Variants in PARD3B observed in about 807,000 individuals in gnomAD.
The protein encoded by PARD3B is partitioning defective 3 homolog B.
In PARD3B, 103 loss-of-function variants were observed where a neutral mutation model predicts 130.2. That is an observed-to-expected ratio of 0.79 (90% CI 0.67 to 0.93). The LOEUF (loss-of-function observed/expected upper bound fraction) is 0.93. Ranked by LOEUF, PARD3B falls within the 40% of genes least tolerant of loss-of-function variation. The probability of loss-of-function intolerance (pLI) is 0.00; values close to 1 mark genes in which losing one functional copy is unlikely to be tolerated. For synonymous variants in PARD3B, 583 were observed against 553.2 expected, an observed-to-expected ratio of 1.05 and a Z score of -0.76; for missense variants, 1,609 against 1,499.2, an observed-to-expected ratio of 1.07 and a Z score of -1.21.
At chr2:204,709,287 A>G (rs1192754113) in intron 2 of PARD3B, among the ~76,000 whole-genome samples, 2 of 152,308 alleles carry the variant, frequency 1.3e-5, no homozygotes, top group East Asian at 3.9e-4. Context: ...CATTCTCCGC[A>G]TGATGCAGAA....
intron 3 of PARD3B, among the ~76,000 whole-genome samples, chr2:204,971,149 C>CA (rs1691665192): frequency 6.6e-6 from 1 of 152,166 alleles, no homozygotes; most frequent in Admixed American, 6.5e-5. Flanking sequence ...CATATGGGAA[C>CA]ATTTTTCTCA....
At chr2:205,173,078 T>C (rs1412460116) in intron 12 of PARD3B, among the ~76,000 whole-genome samples, 1 of 152,064 alleles carries the variant, frequency 6.6e-6, no homozygotes, top group African/African-American at 2.4e-5. Context: ...TAGAAAAAGC[T>C]AAGAAGAAAA....
At chr2:205,566,639 G>A (rs2053344811) in intron 22 of PARD3B, among the ~76,000 whole-genome samples, 1 of 152,164 alleles carries the variant, frequency 6.6e-6, no homozygotes, top group Non-Finnish European at 1.5e-5. Flanking sequence ...CCACTGAAAT[G>A]TGCCCTAGAG....
intron 15 of PARD3B, among the ~76,000 whole-genome samples, chr2:205,196,129 T>G (rs1041643915): frequency 6.6e-6 from 1 of 152,188 alleles, no homozygotes; most frequent in Non-Finnish European, 1.5e-5. Flanking sequence ...CTTTTACCTA[T>G]TCATCAGACA....
At chr2:205,597,363 T>C (rs1406754148) in intron 22 of PARD3B, among the ~76,000 whole-genome samples, 1 of 152,192 alleles carries the variant, frequency 6.6e-6, no homozygotes, top group Non-Finnish European at 1.5e-5. Flanking sequence ...ATTTAGTTCT[T>C]TTTTTATGGC....
chr2:205,076,981 T>G (rs1272526721), intron 4 of PARD3B, among the ~76,000 whole-genome samples: 2 of 152,166 alleles, frequency 1.3e-5, no homozygotes, highest in African/African-American at 4.8e-5. Context: ...GGAAGCACCA[T>G]CCACTAACAT....
At chr2:205,478,526 A>G (rs892857611) in intron 20 of PARD3B, among the ~76,000 whole-genome samples, 2 of 152,164 alleles carry the variant, frequency 1.3e-5, no homozygotes, top group African/African-American at 4.8e-5. Context: ...TTCATTTAAC[A>G]ATAAGGAGAT....
intron 2 of PARD3B, among the ~76,000 whole-genome samples, chr2:204,756,998 G>A (rs2040705301): frequency 6.6e-6 from 1 of 152,076 alleles, no homozygotes; most frequent in African/African-American, 2.4e-5. Flanking sequence ...CCACTGTTAA[G>A]TGAGAACATG....
At chr2:204,547,214 A>G (rs986989101) in intron 1 of PARD3B, among the ~76,000 whole-genome samples, 2 of 152,224 alleles carry the variant, frequency 1.3e-5, no homozygotes, top group Non-Finnish European at 1.5e-5. Flanking sequence ...ACAAGTGTAT[A>G]GCTTAGGGGT....
chr2:205,354,598 A>G (rs1574787076), intron 18 of PARD3B, among the ~76,000 whole-genome samples: 2 of 152,320 alleles, frequency 1.3e-5, no homozygotes, highest in South Asian at 4.1e-4. Context: ...GATTATAAAC[A>G]TGTGCCACCA....
In PARD3B at chr2:204,727,505, G is replaced by A. The variant is rs2039289705; in HGVS notation, c.222+41223G>A. 3.9e-5 allele frequency among the ~76,000 whole-genome samples: 6 copies of A among 152,154 alleles called. No individual in the cohort carries two copies. The South Asian group carries it at 1.2e-3, about 31-fold the overall frequency. ...TGGAATGTTTGTTCTGTCAACTGAA[G>A]AATGACAAGGCTCATAGATTTGGAA... On this transcript the variant is annotated intron_variant, in intron 2 of 22. Coordinates refer to ENST00000406610, the MANE Select transcript of PARD3B (RefSeq NM_001302769.2).
intron 2 of PARD3B, among the ~76,000 whole-genome samples, chr2:204,691,019 A>G (rs1364944731): frequency 1.3e-5 from 2 of 152,122 alleles, no homozygotes; most frequent in East Asian, 3.9e-4. Flanking sequence ...AAATTATTTC[A>G]AAGTCACAGA....
intron 1 of PARD3B, among the ~76,000 whole-genome samples, chr2:204,649,008 G>T (rs71427755): frequency 0.25 from 1,839 of 7,432 alleles, 135 homozygotes; most frequent in Middle Eastern, 0.38. Flanking sequence ...ATTTATAATA[G>T]ATATCATATA....
intron 19 of PARD3B, among the ~76,000 whole-genome samples, chr2:205,430,311 G>A (rs7587640): frequency 3.9e-5 from 6 of 152,264 alleles, no homozygotes; most frequent in Admixed American, 2.0e-4. Flanking sequence ...GTTGTTTAAC[G>A]GTCAACTGTC....
At chr2:205,606,626 A>G (rs1347202983) in intron 22 of PARD3B, among the ~76,000 whole-genome samples, 2 of 151,782 alleles carry the variant, frequency 1.3e-5, no homozygotes, top group East Asian at 3.9e-4. Context: ...ACCCTTCATG[A>G]TCAGGCTCCA....
intron 1 of PARD3B, among the ~76,000 whole-genome samples, chr2:204,666,512 T>C (rs1348516989): frequency 6.6e-6 from 1 of 152,180 alleles, no homozygotes; most frequent in Non-Finnish European, 1.5e-5. Flanking sequence ...TAGGTGGCTA[T>C]TGCTGTAGTG....
chr2:205,293,498 A>G (rs976356932), intron 16 of PARD3B: 4 of 152,254 alleles, frequency 2.6e-5, no homozygotes, highest in Non-Finnish European at 5.9e-5. Context: ...TGTTCTTGGC[A>G]GTAGGTAAAA....
intron 18 of PARD3B, among the ~76,000 whole-genome samples, chr2:205,313,860 C>A (rs1376903143): frequency 6.6e-6 from 1 of 152,134 alleles, no homozygotes; most frequent in African/African-American, 2.4e-5. Flanking sequence ...AGAAGATACA[C>A]TTTAATAAAT....
intron 3 of PARD3B, among the ~76,000 whole-genome samples, chr2:204,972,619 G>A (rs571073648): frequency 2.3e-4 from 35 of 152,192 alleles, no homozygotes; most frequent in Middle Eastern, 3.4e-3. Flanking sequence ...GAATTTACAT[G>A]TAACCATTTA....
Sources: gnomAD v4.1 joint callset for allele counts (sites outside exome capture counted in the v4.1 genomes callset) on GRCh38, gnomAD v4.1.1 for gene constraint, MANE v1.5 for transcripts, NCBI Gene and HGNC (gene_info 2026-07-23, HGNC 2026-07-21) for gene names.